The following COLEC10 variants were observed in gnomAD, a reference collection of about 807,000 sequenced individuals.
The protein encoded by COLEC10 is collectin subfamily member 10, also known as collectin-10.
COLEC10 carries 22 observed loss-of-function variants against 28.4 expected under a neutral mutation model. That is an observed-to-expected ratio of 0.78 (90% CI 0.55 to 1.11). The LOEUF is 1.11. Among genes scored for constraint, COLEC10 ranks in the 50% least tolerant of loss-of-function variants. The probability of loss-of-function intolerance (pLI) is 0.00; values close to 1 mark genes in which losing one functional copy is unlikely to be tolerated. For synonymous variants in COLEC10, 125 were observed against 116.1 expected, an observed-to-expected ratio of 1.08 and a Z score of -0.49; for missense variants, 361 against 344.1, an observed-to-expected ratio of 1.05 and a Z score of -0.39.
the COLEC10 span, among the ~76,000 whole-genome samples, chr8:118,984,816 G>A: frequency 6.6e-6 from 1 of 152,164 alleles, no homozygotes; most frequent in African/African-American, 2.4e-5. Context: ...AGAACTCACA[G>A]TTCCATGTGG....
chr8:119,089,896 C>T (rs962000679), intron 2 of COLEC10, 145 bp downstream of exon 2: 1 of 651,044 alleles, frequency 1.5e-6, no homozygotes, highest in South Asian at 1.9e-5. Flanking sequence ...AATTAACTCG[C>T]CATCTGAATG....
intron 1 of COLEC10, among the ~76,000 whole-genome samples, chr8:119,009,242 G>T (rs1042175145): frequency 3.3e-5 from 5 of 150,962 alleles, no homozygotes; most frequent in Admixed American, 2.6e-4. Flanking sequence ...TTGGAATGTG[G>T]TGTGTTTCCA....
At chr8:118,988,899 T>C in the COLEC10 span, among the ~76,000 whole-genome samples, 4 of 152,310 alleles carry the variant, frequency 2.6e-5, 1 homozygote, top group African/African-American at 9.6e-5. Context: ...AGCTCAGTTT[T>C]TATTACCCAA....
rs796065366 is a variant in COLEC10 at position 119,011,377 on chromosome 8, TG to T, written n.235+1825del. Among the ~76,000 whole-genome samples, 30 of 151,066 alleles carry T rather than the reference TG, an allele frequency of 2.0e-4. 3 individuals are homozygous for T. Among genetic ancestry groups the T allele is most frequent in the African/African-American group, 7.4e-4 (30 of 40,518 alleles). Reference sequence around the variant, plus strand: ...GCCAGCACTACACTGTTTTGAGTAGTGTAGCTTTAGAATAAGTCCTTGGGTC... The same window carrying T: ...GCCAGCACTACACTGTTTTGAGTAGTTAGCTTTAGAATAAGTCCTTGGGTC... On this transcript the variant is annotated intron_variant and non_coding_transcript_variant, in intron 2 of 6. Coordinates refer to the COLEC10 transcript ENST00000521788.
rs149815489 is a variant in COLEC10, at chr8:119,092,753, A to G, written c.292+1533A>G. Among the ~76,000 whole-genome samples, 291 of 152,174 alleles carry G rather than the reference A, an allele frequency of 1.9e-3. 1 individual carries two copies. Among genetic ancestry groups the G allele is most frequent in the Non-Finnish European group, 3.1e-3 (214 of 67,996 alleles). On this transcript the variant is annotated intron_variant, in intron 3 of 5. Coordinates refer to ENST00000332843, the MANE Select transcript of COLEC10 (RefSeq NM_006438.5). ...AAACCCCATCTCTACTAAAAATACA[A>G]AAATTAACTGGGTGTGGTGGTGCAC...
In COLEC10 at chr8:119,102,359, G is replaced by T. The variant is rs142250367; in HGVS notation, c.304G>T (p.Glu102Ter). The T allele has an allele frequency of 9.3e-6, 15 of 1,605,918 alleles. No homozygotes were observed. Among genetic ancestry groups the T allele is most frequent in the Non-Finnish European group, 1.3e-5 (15 of 1,175,564 alleles). The change falls in exon 4 of 6, where the codon GAA becomes TAA. Residue 102 changes from glutamate to a stop codon, truncating the protein, a stop_gained. Transcript: ENST00000332843. LOFTEE classifies it high-confidence loss of function. The stretch of plus-strand genomic sequence containing the variant: ...TTGTTTTTTTTCAGGTGACAAAGGG[G>T]AAAAAGGTTTGCTTGGAATACCTGG... ...GPIGKKGDKG[E>*]KGLLGIPGEK...
intron 2 of COLEC10, among the ~76,000 whole-genome samples, chr8:119,047,025 T>C (rs528179168): frequency 1.3e-5 from 2 of 152,300 alleles, no homozygotes; most frequent in African/African-American, 4.8e-5. Flanking sequence ...AGGAAAAACA[T>C]ACCCTTGCAA....
At chr8:119,076,350 C>A (rs971348179) in intron 1 of COLEC10, among the ~76,000 whole-genome samples, 2 of 151,696 alleles carry the variant, frequency 1.3e-5, no homozygotes, top group African/African-American at 4.8e-5. Context: ...CAACCTCTGC[C>A]TCCCAGGTAC....
the COLEC10 span, among the ~76,000 whole-genome samples, chr8:118,953,272 G>T: frequency 3.9e-4 from 59 of 152,280 alleles, 1 homozygote; most frequent in African/African-American, 1.3e-3. Context: ...CAGTGAGTGT[G>T]GACAAAATTG....
the COLEC10 span, among the ~76,000 whole-genome samples, chr8:118,975,438 A>G: frequency 6.6e-6 from 1 of 152,186 alleles, no homozygotes; most frequent in South Asian, 2.1e-4. Flanking sequence ...GGGAAAAGGC[A>G]TATAACTCAT....
intron 2 of COLEC10, among the ~76,000 whole-genome samples, chr8:119,041,221 T>G (rs1814488436): frequency 6.6e-6 from 1 of 152,090 alleles, no homozygotes. Context: ...TGCCTAATGC[T>G]GGCTCTTGTG....
chr8:119,018,604 CA>C (rs1031787707), intron 2 of COLEC10, among the ~76,000 whole-genome samples: 60 of 151,956 alleles, frequency 3.9e-4, no homozygotes, highest in Non-Finnish European at 4.6e-4. Flanking sequence ...TTTCTGAAAA[CA>C]AAAAATGGAT....
chr8:119,043,249 A>G (rs1814529480), intron 2 of COLEC10, among the ~76,000 whole-genome samples: 1 of 152,224 alleles, frequency 6.6e-6, no homozygotes, highest in Non-Finnish European at 1.5e-5. Flanking sequence ...CTAAAGTTAC[A>G]TGGGCTATGT....
At chr8:118,973,089 A>G in the COLEC10 span, among the ~76,000 whole-genome samples, 1 of 151,974 alleles carries the variant, frequency 6.6e-6, no homozygotes, top group African/African-American at 2.4e-5. Flanking sequence ...GGGAACTTCA[A>G]TTCAAGATGA....
intron 2 of COLEC10, 105 bp downstream of exon 2, chr8:119,089,856 C>A: frequency 1.2e-6 from 1 of 808,890 alleles, no homozygotes; most frequent in Non-Finnish European, 2.1e-6. Flanking sequence ...CCCTCTGCCC[C>A]AACAATGCCT....
intron 3 of COLEC10, among the ~76,000 whole-genome samples, chr8:119,091,619 A>G (rs1325294397): frequency 6.6e-6 from 1 of 151,320 alleles, no homozygotes; most frequent in Admixed American, 6.6e-5. Flanking sequence ...GAAAGAAAGA[A>G]AGAAAGAAAG....
At chr8:118,992,928 T>A (rs1813527141), upstream of COLEC10, among the ~76,000 whole-genome samples, 1 of 152,202 alleles carries the variant, frequency 6.6e-6, no homozygotes, top group Non-Finnish European at 1.5e-5. Flanking sequence ...CCTTAATTGT[T>A]AAGATAATAT....
At chr8:119,104,229 T>C (rs755105520) in intron 5 of COLEC10, among the ~76,000 whole-genome samples, 3 of 151,950 alleles carry the variant, frequency 2.0e-5, no homozygotes, top group Non-Finnish European at 4.4e-5. Context: ...TCTCAGAAAA[T>C]AGAGGTAATA....
At chr8:119,046,245 T>C (rs1488741928) in intron 2 of COLEC10, among the ~76,000 whole-genome samples, 3 of 152,344 alleles carry the variant, frequency 2.0e-5, no homozygotes, top group African/African-American at 7.2e-5. Flanking sequence ...ATCTTTTTTT[T>C]TCTCTTTTAG....
Sources: gnomAD v4.1 joint callset for allele counts (sites outside exome capture counted in the v4.1 genomes callset) on GRCh38, gnomAD v4.1.1 for gene constraint, MANE v1.5 for transcripts, NCBI Gene and HGNC (gene_info 2026-07-23, HGNC 2026-07-21) for gene names.